ANK1: variants seen among roughly 807,000 people sequenced by gnomAD.
ANK1 encodes ankyrin-1.
ANK1 carries 51 observed loss-of-function variants against 210.4 expected under a neutral mutation model. The ratio of observed to expected loss-of-function variants is 0.24; its 90% CI spans 0.19 to 0.31. The LOEUF (loss-of-function observed/expected upper bound fraction) is 0.31. Among genes scored for constraint, ANK1 ranks in the 10% least tolerant of loss-of-function variants. ANK1 has a pLI of 1.00. For synonymous variants in ANK1, 967 were observed against 1,025.9 expected, an observed-to-expected ratio of 0.94 and a Z score of 1.10; for missense variants, 2,051 against 2,504.4, an observed-to-expected ratio of 0.82 and a Z score of 3.86.
intron 1 of ANK1, among the ~76,000 whole-genome samples, chr8:41,879,100 T>G (rs868619681): frequency 1.3e-5 from 2 of 151,868 alleles, no homozygotes; most frequent in Non-Finnish European, 2.9e-5. Flanking sequence ...TTAAAAAAAA[T>G]GCAGGACAAT....
At chr8:41,663,957 G>A (rs1809456469) in intron 39 of ANK1, 6 of 646,500 alleles carry the variant, frequency 9.3e-6, no homozygotes, top group South Asian at 4.7e-5. Context: ...AAGACGAACG[G>A]TCGAGCTCAC....
At position 41,696,607 on chromosome 8, in the gene ANK1, A is replaced by T; in HGVS notation, c.2736-20T>A. ...AGAAACCTAGGAGTGGGGCAGATGC[A>T]CGTTGGGCTTCTGCATCCCCTCTCG... On this transcript the variant is annotated intron_variant, in intron 25 of 42. Transcript: ENST00000289734. 8 of 1,612,738 alleles carry T rather than the reference A, an allele frequency of 5.0e-6. No individual in the cohort carries two copies. Among genetic ancestry groups the T allele is most frequent in the Non-Finnish European group, 6.8e-6 (8 of 1,179,596 alleles).
chr8:41,838,760 G>A (rs553821110), intron 1 of ANK1, among the ~76,000 whole-genome samples: 4 of 74,864 alleles, frequency 5.3e-5, no homozygotes, highest in South Asian at 4.1e-4. Context: ...GCAAGACTCC[G>A]TCTCAAAAAT....
chr8:41,672,865 A>T lies in ANK1; in HGVS notation c.4585T>A (p.Cys1529Ser). 6.2e-7 allele frequency: 1 copy of T among 1,608,886 alleles called. No individual in the cohort carries two copies. Among genetic ancestry groups the T allele is most frequent in the Non-Finnish European group, 8.5e-7 (1 of 1,179,952 alleles). ...GCACGTAGCGGAGAGGAAAGTGCAC[A>T]GCCCAGGGAGGCAGGGGACAGCAGC... ...DELLSPASLGCALSSPLRADQ... is the reference protein window; with the variant it reads ...DELLSPASLGSALSSPLRADQ... Residue 1529 changes from cysteine (C) to serine (S), a missense_variant, in exon 38 of 43, where the codon TGT becomes AGT. By Grantham distance (112) the Cys-to-Ser change is moderately radical. Transcript: ENST00000289734.
chr8:41,744,542 T>C (rs1835595959), intron 2 of ANK1, among the ~76,000 whole-genome samples: 1 of 149,004 alleles, frequency 6.7e-6, no homozygotes, highest in South Asian at 2.1e-4. Context: ...TTTTCTTTTT[T>C]TTTTTTTTTT....
chr8:41,684,394 G>T, intron 37 of ANK1, 150 bp downstream of exon 37: 1 of 1,285,572 alleles, frequency 7.8e-7, no homozygotes, highest in Admixed American at 1.7e-5. Context: ...CCCCGGAAAG[G>T]AGGAACTTGT....
intron 37 of ANK1, among the ~76,000 whole-genome samples, chr8:41,676,361 T>G (rs1387249312): frequency 1.3e-5 from 2 of 152,256 alleles, no homozygotes; most frequent in African/African-American, 4.8e-5. Flanking sequence ...TATTTTCATG[T>G]GCTTATTTGC....
chr8:41,798,544 G>A (rs141500122), upstream of ANK1, among the ~76,000 whole-genome samples: 7 of 152,306 alleles, frequency 4.6e-5, no homozygotes, highest in Middle Eastern at 3.4e-3. Context: ...CTTTTGCAAC[G>A]TCCGCCCGTC....
chr8:41,674,923 T>C (rs930339705), intron 37 of ANK1, among the ~76,000 whole-genome samples: 1 of 152,210 alleles, frequency 6.6e-6, no homozygotes, highest in Non-Finnish European at 1.5e-5. Flanking sequence ...CAAGTCACTG[T>C]ACATGAAACT....
At chr8:41,669,216 C>T (rs1039723766) in intron 38 of ANK1, among the ~76,000 whole-genome samples, 1 of 151,944 alleles carries the variant, frequency 6.6e-6, no homozygotes, top group African/African-American at 2.4e-5. Flanking sequence ...CTACACTCAG[C>T]GTGCCTGGAT....
chr8:41,695,283 G>A lies in ANK1; in HGVS notation c.3009C>T (p.Asp1003=). 1 of 1,614,114 alleles carries A rather than the reference G, an allele frequency of 6.2e-7. No homozygotes were observed. The highest frequency in any genetic ancestry group is 8.5e-7 in the Non-Finnish European group (1 of 1,180,024). The change falls in exon 27 of 43, where the codon GAC becomes GAT. Residue 1003 remains aspartate, a synonymous_variant. Transcript: ENST00000289734. ...IPHFASHGRG[D]RELVVLRSEN... ...CGCTCCTCAGAACCACGAGCTCGCGGTCTCCACGGCCATGGGAGGCAAAGT... is the reference window on the plus strand; with the variant it reads ...CGCTCCTCAGAACCACGAGCTCGCGATCTCCACGGCCATGGGAGGCAAAGT...
chr8:41,777,968 A>T (rs999831052), intron 1 of ANK1, among the ~76,000 whole-genome samples: 3 of 152,170 alleles, frequency 2.0e-5, no homozygotes, highest in Admixed American at 6.5e-5. Flanking sequence ...TTTCCTAAGG[A>T]CAATCATTAC....
At chr8:41,791,770 T>C (rs747592277) in intron 1 of ANK1, among the ~76,000 whole-genome samples, 5 of 152,088 alleles carry the variant, frequency 3.3e-5, no homozygotes, top group Non-Finnish European at 7.4e-5. Context: ...ATTTCCCACA[T>C]CTGGAAAGGG....
chr8:41,727,702 G>A (rs571142525), intron 4 of ANK1, among the ~76,000 whole-genome samples: 36 of 152,228 alleles, frequency 2.4e-4, no homozygotes, highest in Non-Finnish European at 4.1e-4. Context: ...ATTCAACCCC[G>A]TCATGCTTAG....
At chr8:41,762,133 G>A (rs1840626230) in intron 1 of ANK1, among the ~76,000 whole-genome samples, 1 of 152,168 alleles carries the variant, frequency 6.6e-6, no homozygotes. Flanking sequence ...TCCCCACAGC[G>A]GCAGGAGCCC....
chr8:41,750,313 T>C (rs1837381320), intron 2 of ANK1, among the ~76,000 whole-genome samples: 1 of 152,242 alleles, frequency 6.6e-6, no homozygotes, highest in South Asian at 2.1e-4. Flanking sequence ...GTTTTCGCAC[T>C]GGAAATCGTG....
intron 1 of ANK1, among the ~76,000 whole-genome samples, chr8:41,787,698 G>A (rs2150755826): frequency 6.6e-6 from 1 of 152,328 alleles, no homozygotes; most frequent in Non-Finnish European, 1.5e-5. Context: ...GTGCTGGCCT[G>A]CACCTGTAGT....
chr8:41,880,559 A>C (rs1817397502), intron 1 of ANK1, among the ~76,000 whole-genome samples: 1 of 152,156 alleles, frequency 6.6e-6, no homozygotes, highest in Non-Finnish European at 1.5e-5. Flanking sequence ...TGTCCCACCG[A>C]TATGTCCTGC....
intron 1 of ANK1, among the ~76,000 whole-genome samples, chr8:41,775,672 G>A (rs988629969): frequency 6.6e-6 from 1 of 152,156 alleles, no homozygotes; most frequent in Non-Finnish European, 1.5e-5. Flanking sequence ...TTGAGGCCAG[G>A]AATTTGAGAC....
Sources: allele counts gnomAD v4.1 joint callset (sites outside exome capture counted in the v4.1 genomes callset), GRCh38; gene constraint gnomAD v4.1.1; transcripts MANE v1.5; gene names NCBI Gene and HGNC (gene_info 2026-07-23, HGNC 2026-07-21).